Variants in TIPIN observed in about 807,000 individuals in gnomAD.
TIPIN encodes the protein TIMELESS-interacting protein.
A neutral mutation model predicts 35.6 loss-of-function variants in TIPIN; 29 were observed. That is an observed-to-expected ratio of 0.82 (90% CI 0.61 to 1.11). The LOEUF is 1.11. Ranked by LOEUF, TIPIN falls within the 50% of genes most tolerant of loss-of-function variation. The pLI is 0.00. For synonymous variants in TIPIN, 102 were observed against 121.5 expected (o/e 0.84, Z 1.06); for missense variants, 296 against 345.4 (o/e 0.86, Z 1.13).
rs574441235 is a variant in TIPIN, at chr15:66,350,110, C to T, written c.289-673G>A. On this transcript the variant is annotated intron_variant, in intron 4 of 7. Transcript: ENST00000261881. ...CCAAGTAGCTGGGATTAGAGGTGTG[C>T]GCCACCACACCTGGCCTAAATTTTG... 2.8e-3 allele frequency among the ~76,000 whole-genome samples: 419 copies of T among 151,696 alleles called. 4 individuals are homozygous for T. The highest frequency in any genetic ancestry group is 9.9e-3 in the African/African-American group (411 of 41,400).
intron 1 of TIPIN, among the ~76,000 whole-genome samples, chr15:66,365,401 T>A (rs2093249705): frequency 6.6e-6 from 1 of 152,206 alleles, no homozygotes; most frequent in African/African-American, 2.4e-5. Context: ...CTATATAGTC[T>A]AAAAAGGGGA....
At chr15:66,369,044 T>C (rs2093268244) in intron 1 of TIPIN, among the ~76,000 whole-genome samples, 1 of 152,090 alleles carries the variant, frequency 6.6e-6, no homozygotes, top group Admixed American at 6.6e-5. Context: ...GCTCTAAAAT[T>C]CTAAGATGAA....
intron 1 of TIPIN, among the ~76,000 whole-genome samples, chr15:66,372,167 C>G (rs2140491327): frequency 6.6e-6 from 1 of 152,214 alleles, no homozygotes; most frequent in South Asian, 2.1e-4. Context: ...CACTGTGTAA[C>G]CAGCACCCAG....
intron 1 of TIPIN, chr15:66,380,052 A>C: frequency 2.4e-6 from 1 of 411,676 alleles, no homozygotes; most frequent in Non-Finnish European, 4.1e-6. Context: ...CCCAGGCTGG[A>C]GTGCAGTGGC....
At chr15:66,385,014 T>C (rs1005333002) in intron 1 of TIPIN, among the ~76,000 whole-genome samples, 1 of 152,174 alleles carries the variant, frequency 6.6e-6, no homozygotes, top group African/African-American at 2.4e-5. Flanking sequence ...CGTAAGGTAT[T>C]CTCCCTTCCC....
upstream of TIPIN, among the ~76,000 whole-genome samples, chr15:66,358,097 A>G (rs2093215200): frequency 6.6e-6 from 1 of 152,204 alleles, no homozygotes; most frequent in Non-Finnish European, 1.5e-5. Flanking sequence ...GTCTCTATTA[A>G]AAAGAAAAAA....
intron 1 of TIPIN, chr15:66,382,959 G>C (rs1595826023): frequency 1.0e-6 from 1 of 985,256 alleles, no homozygotes. Context: ...AAGGAAATGA[G>C]GAAAACAAAT....
At chr15:66,356,716 C>T (rs1298994253), upstream of TIPIN, 5 of 985,240 alleles carry the variant, frequency 5.1e-6, no homozygotes, top group Admixed American at 2.5e-4. Context: ...TCGGGAACTC[C>T]TGGGGCGAGA....
At chr15:66,364,200 T>G (rs962691656) in intron 1 of TIPIN, among the ~76,000 whole-genome samples, 2 of 146,416 alleles carry the variant, frequency 1.4e-5, no homozygotes, top group African/African-American at 5.0e-5. Flanking sequence ...AGTCTTGCTC[T>G]TGTTGCCCAG....
intron 6 of TIPIN, among the ~76,000 whole-genome samples, chr15:66,346,006 G>A (rs1255030115): frequency 6.6e-6 from 1 of 151,720 alleles, no homozygotes; most frequent in Non-Finnish European, 1.5e-5. Context: ...GAGTGTAATG[G>A]CGCAATCTCG....
chr15:66,386,122 G>A (rs1382188190), intron 1 of TIPIN, among the ~76,000 whole-genome samples: 1 of 151,920 alleles, frequency 6.6e-6, no homozygotes, highest in Non-Finnish European at 1.5e-5. Flanking sequence ...GTGAAAACCC[G>A]TTTCTACAAA....
At chr15:66,365,233 G>A (rs1353327918) in intron 1 of TIPIN, among the ~76,000 whole-genome samples, 3 of 152,086 alleles carry the variant, frequency 2.0e-5, no homozygotes, top group African/African-American at 4.8e-5. Context: ...CCAAAATCAA[G>A]ATGGTGGCGA....
intron 1 of TIPIN, among the ~76,000 whole-genome samples, chr15:66,373,401 C>T (rs1409894393): frequency 6.7e-6 from 1 of 149,704 alleles, no homozygotes; most frequent in Non-Finnish European, 1.5e-5. Flanking sequence ...GCCGAGGCAG[C>T]AGAATGGCAT....
chr15:66,352,513 C>T (rs184418896), intron 2 of TIPIN, among the ~76,000 whole-genome samples: 13 of 152,174 alleles, frequency 8.5e-5, no homozygotes, highest in African/African-American at 3.1e-4. Flanking sequence ...TGGTCTTGAA[C>T]TCCTGGGCTC....
intron 2 of TIPIN, 58 bp from the exon 3 acceptor site, chr15:66,352,265 T>G (rs995171500): frequency 7.6e-7 from 1 of 1,312,368 alleles, no homozygotes; most frequent in African/African-American, 1.5e-5. Flanking sequence ...TATTATTTAT[T>G]ATGTATCATT....
Position 66,348,670 on chromosome 15 carries a change from G to T in TIPIN, c.475+390C>A, listed in dbSNP as rs984484692. ...GATCATGCCACTGCACTCCAGCCTGGGCTACAGAGTGAGACTCCAGCTCAA... is the reference window on the plus strand; with the variant it reads ...GATCATGCCACTGCACTCCAGCCTGTGCTACAGAGTGAGACTCCAGCTCAA... On this transcript the variant is annotated intron_variant, in intron 6 of 7. Transcript: ENST00000261881. Among the ~76,000 whole-genome samples the T allele has an allele frequency of 2.5e-4, 6 of 23,872 alleles. No homozygotes were observed. The Non-Finnish European group carries it at 0.024, about 95-fold the overall frequency. The allele number at this position is 23,872 out of a possible 152,430, so 15.7% of individuals were successfully genotyped here.
intron 1 of TIPIN, among the ~76,000 whole-genome samples, chr15:66,366,153 CAA>C (rs537298134): frequency 7.0e-6 from 1 of 143,748 alleles, no homozygotes. Flanking sequence ...GAGTCCCTCC[CAA>C]AAAAAAAAAC....
chr15:66,351,147 AACCAGGC>A (rs2093165222), intron 4 of TIPIN, among the ~76,000 whole-genome samples: 1 of 152,200 alleles, frequency 6.6e-6, no homozygotes, highest in Admixed American at 6.6e-5. Flanking sequence ...ATTTATTATG[AACCAGGC>A]ACTGTGCCAC....
rs557122625 is a variant in TIPIN, at chr15:66,350,054, C to T, written c.289-617G>A. Among the ~76,000 whole-genome samples the T allele has an allele frequency of 2.9e-3, 446 of 151,910 alleles. 2 individuals carry two copies. Among genetic ancestry groups the T allele is most frequent in the Non-Finnish European group, 4.0e-3 (270 of 67,954 alleles). On this transcript the variant is annotated intron_variant, in intron 4 of 7. Transcript: ENST00000261881. The stretch of plus-strand genomic sequence containing the variant: ...TTGGCTCACTACAACCTCAGCCTCC[C>T]GGGTTTAAGCAATTCTCATGCCTCA...
Sources: gnomAD v4.1 joint callset for allele counts (sites outside exome capture counted in the v4.1 genomes callset) on GRCh38, gnomAD v4.1.1 for gene constraint, MANE v1.5 for transcripts, NCBI Gene and HGNC (gene_info 2026-07-23, HGNC 2026-07-21) for gene names.